The following TMEM132D variants were observed in gnomAD, a reference collection of about 807,000 sequenced individuals.
TMEM132D encodes mature OL transmembrane protein.
TMEM132D carries 21 observed loss-of-function variants against 62.3 expected under a neutral mutation model. The ratio of observed to expected loss-of-function variants is 0.34; its 90% CI spans 0.24 to 0.49. TMEM132D has a LOEUF of 0.49. TMEM132D is among the 20% of genes least tolerant of loss of function. The pLI is 0.99. For missense variants in TMEM132D, 1,346 were observed against 1,402.8 expected (o/e 0.96, Z 0.65); for synonymous variants, 621 against 575.6 (o/e 1.08, Z -1.13).
rs2135601863 is a variant in TMEM132D, at chr12:129,074,111, G to C, written c.3064C>G (p.Pro1022Ala). ...INGQLFKPLG[P>A]IIIDGKDQKS... ...TGATCTTTCCCATCAATGATGATGG[G>C]TCCCAAAGGTTTGAACAGCTGCCCA... is the stretch of plus-strand genomic sequence containing the variant. The change falls in exon 9 of 9, where the codon CCC becomes GCC. Residue 1022 changes from proline (P) to alanine (A), a missense_variant. Physicochemically the swap from Pro to Ala is conservative, Grantham distance 27. Transcript: ENST00000422113. 1 of 1,614,064 alleles carries C rather than the reference G, an allele frequency of 6.2e-7. No homozygotes were observed. Among genetic ancestry groups the C allele is most frequent in the Non-Finnish European group, 8.5e-7 (1 of 1,180,020 alleles).
chr12:129,417,931 CA>C (rs2135709294), intron 3 of TMEM132D, among the ~76,000 whole-genome samples: 1 of 152,176 alleles, frequency 6.6e-6, no homozygotes, highest in African/African-American at 2.4e-5. Flanking sequence ...TTTATGTGGC[CA>C]AGAAACATAT....
chr12:129,700,604 G>A lies in TMEM132D; in HGVS notation c.174C>T (p.Val58=), dbSNP rs1881363865. 1 of 1,614,040 alleles carries A rather than the reference G, an allele frequency of 6.2e-7. No individual in the cohort carries two copies. Among genetic ancestry groups the A allele is most frequent in the Non-Finnish European group, 8.5e-7 (1 of 1,180,012 alleles). Residue 58 remains valine (V), a synonymous_variant, in exon 2 of 9, where the codon GTC becomes GTT. Transcript: ENST00000422113. ...PVTYHINNAD[V]SFFLKEANQD... is the part of the protein sequence containing the mutation. The stretch of plus-strand genomic sequence containing the variant: ...GGTTGGCCTCCTTCAGGAAGAAGGA[G>A]ACGTCCGCGTTGTTGATGTGGTAGG...
At chr12:129,207,480 T>C (rs1878888274) in intron 5 of TMEM132D, among the ~76,000 whole-genome samples, 1 of 152,142 alleles carries the variant, frequency 6.6e-6, no homozygotes, top group Non-Finnish European at 1.5e-5. Context: ...TGGGTGTCTG[T>C]GAAGATTTTG....
chr12:129,770,056 G>A lies in TMEM132D; in HGVS notation c.80-69358C>T, dbSNP rs150595753. Among the ~76,000 whole-genome samples, 901 of 151,480 alleles carry A rather than the reference G, an allele frequency of 5.9e-3. 6 individuals carry two copies. Among genetic ancestry groups the A allele is most frequent in the South Asian group, 0.033 (160 of 4,802 alleles). On this transcript the variant is annotated intron_variant, in intron 1 of 8. Transcript: ENST00000422113. ...GCTGGTCTCGAACTCCTGGGCTCAA[G>A]CAATCCTCCCACTTCCCAAAATGCT...
rs1870586350 is a variant in TMEM132D, at chr12:129,371,160, A to G, written c.1116-33343T>C. On this transcript the variant is annotated intron_variant, in intron 3 of 8. Coordinates refer to ENST00000422113, the MANE Select transcript of TMEM132D (RefSeq NM_133448.3). The surrounding 1 kb of genome is among the most constrained non-coding windows in gnomAD (Gnocchi z 4.3). ...AACTATGACAAATCAATAAAAAAGT[A>G]CAAAAGACTTGCTAAAACAAAGTCA... 6.6e-6 allele frequency among the ~76,000 whole-genome samples: 1 copy of G among 152,358 alleles called. No homozygotes were observed. The highest frequency in any genetic ancestry group is 2.1e-4 in the South Asian group (1 of 4,826).
intron 1 of TMEM132D, among the ~76,000 whole-genome samples, chr12:129,788,869 C>G (rs1000944755): frequency 6.6e-6 from 1 of 151,888 alleles, no homozygotes; most frequent in African/African-American, 2.4e-5. Flanking sequence ...CGGAAGAGCC[C>G]TGGGCAGAAG....
At chr12:129,623,235 C>CT (rs1210601398) in intron 2 of TMEM132D, among the ~76,000 whole-genome samples, 2 of 152,166 alleles carry the variant, frequency 1.3e-5, no homozygotes, top group Non-Finnish European at 2.9e-5. Flanking sequence ...TTATTTAGCA[C>CT]TTTTTGTTAC....
intron 3 of TMEM132D, among the ~76,000 whole-genome samples, chr12:129,431,503 A>G (rs1872653374): frequency 6.6e-6 from 1 of 152,154 alleles, no homozygotes; most frequent in African/African-American, 2.4e-5. Flanking sequence ...TGAGTTGCAT[A>G]CTGTGGGCTC....
intron 4 of TMEM132D, among the ~76,000 whole-genome samples, chr12:129,230,566 G>T (rs773249046): frequency 6.6e-6 from 1 of 152,196 alleles, no homozygotes; most frequent in East Asian, 1.9e-4. Flanking sequence ...CTCTGTTTTC[G>T]GGGTGTCTAC....
intron 5 of TMEM132D, among the ~76,000 whole-genome samples, chr12:129,194,665 C>T (rs1353960703): frequency 1.3e-5 from 2 of 152,122 alleles, no homozygotes; most frequent in African/African-American, 4.8e-5. Context: ...GAAACTTCTG[C>T]TTATTTTTAT....
intron 3 of TMEM132D, among the ~76,000 whole-genome samples, chr12:129,520,109 C>T (rs569507025): frequency 7.4e-4 from 112 of 152,208 alleles, no homozygotes; most frequent in African/African-American, 2.2e-3. Flanking sequence ...AGACAGTGTT[C>T]AGTGAGGCCG....
At chr12:129,453,243 G>A (rs1030806071) in intron 3 of TMEM132D, among the ~76,000 whole-genome samples, 7 of 152,140 alleles carry the variant, frequency 4.6e-5, no homozygotes, top group African/African-American at 1.7e-4. Flanking sequence ...AAAAGATTGG[G>A]GACCGCTGTT....
At chr12:129,738,458 G>C (rs1869497076) in intron 1 of TMEM132D, among the ~76,000 whole-genome samples, 1 of 152,204 alleles carries the variant, frequency 6.6e-6, no homozygotes, top group Non-Finnish European at 1.5e-5. Context: ...TTGTGTGAAT[G>C]CAACAACATA....
chr12:129,776,513 G>A (rs984834621), intron 1 of TMEM132D, among the ~76,000 whole-genome samples: 1 of 151,962 alleles, frequency 6.6e-6, no homozygotes, highest in Non-Finnish European at 1.5e-5. Flanking sequence ...GGGACCAGTG[G>A]TTGACTACTA....
chr12:129,843,263 G>A (rs891662692), intron 1 of TMEM132D, among the ~76,000 whole-genome samples: 3 of 151,996 alleles, frequency 2.0e-5, no homozygotes, highest in African/African-American at 7.3e-5. Context: ...AAAAGAATAT[G>A]ACCAAATAAT....
chr12:129,142,012 T>A, intron 5 of TMEM132D, among the ~76,000 whole-genome samples: 1 of 147,770 alleles, frequency 6.8e-6, no homozygotes, highest in East Asian at 1.9e-4. Context: ...AATATATATA[T>A]AAATATATAT....
intron 2 of TMEM132D, among the ~76,000 whole-genome samples, chr12:129,541,601 T>C (rs1020073542): frequency 4.6e-5 from 7 of 152,198 alleles, no homozygotes; most frequent in Admixed American, 4.6e-4. Flanking sequence ...GTTTGCCTCA[T>C]TGATACCAAA....
intron 3 of TMEM132D, among the ~76,000 whole-genome samples, chr12:129,362,970 C>T (rs1870294206): frequency 6.6e-6 from 1 of 152,196 alleles, no homozygotes; most frequent in Non-Finnish European, 1.5e-5. Context: ...TCCCAGTTGA[C>T]TTAGTTCTCA....
chr12:129,587,711 C>A (rs914104264), intron 2 of TMEM132D, among the ~76,000 whole-genome samples: 1 of 152,148 alleles, frequency 6.6e-6, no homozygotes, highest in South Asian at 2.1e-4. Flanking sequence ...CTCTCACCAT[C>A]CCTATTCAAT....
Sources: gnomAD v4.1 joint callset for allele counts (sites outside exome capture counted in the v4.1 genomes callset) on GRCh38, gnomAD v4.1.1 for gene constraint, Gnocchi (gnomAD v3.1) non-coding constraint, MANE v1.5 for transcripts, NCBI Gene and HGNC (gene_info 2026-07-23, HGNC 2026-07-21) for gene names.